The following THSD4 variants were observed in gnomAD, a reference collection of about 807,000 sequenced individuals.
THSD4 encodes the protein thrombospondin type-1 domain-containing protein 4.
Under a neutral mutation model 119.0 loss-of-function variants are expected in THSD4, and 69 were observed. That is an observed-to-expected ratio of 0.58 (90% CI 0.48 to 0.71). The LOEUF (loss-of-function observed/expected upper bound fraction) is 0.71. Among genes scored for constraint, THSD4 ranks in the 30% least tolerant of loss-of-function variants. THSD4 has a pLI of 0.00. For synonymous variants in THSD4, 524 were observed against 540.4 expected (o/e 0.97, Z 0.42); for missense variants, 1,393 against 1,391.1 (o/e 1.00, Z -0.02).
At chr15:71,408,039 G>A (rs935546195) in intron 6 of THSD4, among the ~76,000 whole-genome samples, 1 of 152,108 alleles carries the variant, frequency 6.6e-6, no homozygotes, top group African/African-American at 2.4e-5. Flanking sequence ...AGAAGTTTGT[G>A]CCCACTTCCT....
intron 6 of THSD4, among the ~76,000 whole-genome samples, chr15:71,358,593 C>T (rs143860169): frequency 6.6e-6 from 1 of 152,220 alleles, no homozygotes; most frequent in Admixed American, 6.5e-5. Context: ...GACAAGACTC[C>T]ACTTCACTGT....
At chr15:71,654,964 C>T (rs1335788085) in intron 7 of THSD4, among the ~76,000 whole-genome samples, 1 of 152,232 alleles carries the variant, frequency 6.6e-6, no homozygotes, top group African/African-American at 2.4e-5. Context: ...CTGTGAAATT[C>T]ACCTCCAAAT....
intron 7 of THSD4, among the ~76,000 whole-genome samples, chr15:71,438,587 A>G (rs1056674680): frequency 6.6e-6 from 1 of 152,220 alleles, no homozygotes; most frequent in African/African-American, 2.4e-5. Flanking sequence ...CTACCCAATT[A>G]TGGATAATTA....
chr15:71,763,670 C>T (rs950429826), intron 15 of THSD4, among the ~76,000 whole-genome samples: 1 of 152,040 alleles, frequency 6.6e-6, no homozygotes, highest in African/African-American at 2.4e-5. Context: ...GCCTCAGCCT[C>T]CTGACCCCAG....
chr15:71,493,326 C>G (rs1389933854), intron 7 of THSD4, among the ~76,000 whole-genome samples: 1 of 152,218 alleles, frequency 6.6e-6, no homozygotes, highest in Non-Finnish European at 1.5e-5. Flanking sequence ...AACTCTCACT[C>G]TTATATTTCT....
chr15:71,197,192 C>T (rs1228889093), intron 3 of THSD4, among the ~76,000 whole-genome samples: 1 of 152,194 alleles, frequency 6.6e-6, no homozygotes, highest in South Asian at 2.1e-4. Flanking sequence ...ACAGGGTTAT[C>T]CTGGGAATCA....
chr15:71,442,660 G>GTGTGTGTATGTATGTA, intron 7 of THSD4, among the ~76,000 whole-genome samples: 25 of 25,792 alleles, frequency 9.7e-4, no homozygotes, highest in East Asian at 3.3e-3. Flanking sequence ...GTGTGTGTGT[G>GTGTGTGTATGTATGTA]TATATATATA....
Position 71,573,017 on chromosome 15 carries a change from C to A in THSD4, c.1153-87513C>A, listed in dbSNP as rs144159119. On this transcript the variant is annotated intron_variant, in intron 7 of 17. Transcript: ENST00000261862. ...TTTGATGCCCCACCAAGGAGGACGA[C>A]TTCATCCCAAAGACTTCGTGAGGCT... Among the ~76,000 whole-genome samples, 351 of 152,238 alleles carry A rather than the reference C, an allele frequency of 2.3e-3. 4 individuals are homozygous for A. Among genetic ancestry groups the A allele is most frequent in the South Asian group, 0.015 (72 of 4,810 alleles).
In THSD4 at chr15:71,226,927, GT is replaced by G. The variant is rs369409397; in HGVS notation, c.464+11537del. The stretch of plus-strand genomic sequence containing the variant: ...TCCTACTTCAAGGGAATTTTTGTGT[GT>G]TTTTTTTTACCTTCTGAAGCAGGAA... On this transcript the variant is annotated intron_variant, in intron 4 of 17. Coordinates refer to ENST00000261862, the MANE Select transcript of THSD4 (RefSeq NM_024817.3). Among the ~76,000 whole-genome samples, 13 of 151,488 alleles carry G rather than the reference GT, an allele frequency of 8.6e-5. 1 individual carries two copies. Among genetic ancestry groups the G allele is most frequent in the South Asian group, 4.2e-4 (2 of 4,762 alleles).
intron 8 of THSD4, among the ~76,000 whole-genome samples, chr15:71,662,681 T>C (rs1414081415): frequency 6.6e-6 from 1 of 152,144 alleles, no homozygotes; most frequent in Admixed American, 6.5e-5. Flanking sequence ...TGGGTGAATA[T>C]CTACTGGATG....
At chr15:71,645,687 G>GA (rs1385381260) in intron 7 of THSD4, among the ~76,000 whole-genome samples, 3 of 152,110 alleles carry the variant, frequency 2.0e-5, no homozygotes, top group Admixed American at 6.6e-5. Flanking sequence ...TTGCTTTGGG[G>GA]AAAAAAGCTT....
At chr15:71,295,973 C>G (rs750759524) in intron 6 of THSD4, among the ~76,000 whole-genome samples, 2 of 152,168 alleles carry the variant, frequency 1.3e-5, no homozygotes, top group South Asian at 4.1e-4. Flanking sequence ...TTCATTAATA[C>G]TGTAGCATGT....
chr15:71,288,846 A>C (rs937650287), intron 6 of THSD4, among the ~76,000 whole-genome samples: 8 of 152,204 alleles, frequency 5.3e-5, no homozygotes, highest in Non-Finnish European at 1.0e-4. Context: ...CTTCTCTGAC[A>C]ACAATACCAA....
intron 6 of THSD4, chr15:71,342,249 G>A (rs1391264989): frequency 1.7e-5 from 3 of 177,040 alleles, no homozygotes; most frequent in African/African-American, 4.8e-5. Context: ...TACGCTTTGG[G>A]AACCTGGAAC....
intron 6 of THSD4, among the ~76,000 whole-genome samples, chr15:71,297,315 C>CT (rs772196153): frequency 6.5e-5 from 9 of 137,658 alleles, no homozygotes; most frequent in African/African-American, 1.9e-4. Flanking sequence ...CTCTCCTCTT[C>CT]TTTTTTTTGT....
At chr15:71,472,346 C>T (rs2047592860) in intron 7 of THSD4, among the ~76,000 whole-genome samples, 1 of 152,130 alleles carries the variant, frequency 6.6e-6, no homozygotes, top group African/African-American at 2.4e-5. Context: ...ATGTATTAGG[C>T]CTTCAATACA....
At chr15:71,222,500 C>T (rs1295562968) in intron 4 of THSD4, among the ~76,000 whole-genome samples, 2 of 152,192 alleles carry the variant, frequency 1.3e-5, no homozygotes, top group African/African-American at 4.8e-5. Context: ...GCCAGGTTGA[C>T]AACTTTCTTC....
chr15:71,687,923 A>G (rs1049776812), intron 8 of THSD4, among the ~76,000 whole-genome samples: 7 of 152,174 alleles, frequency 4.6e-5, no homozygotes, highest in African/African-American at 7.2e-5. Context: ...TCATTCACTT[A>G]TTGAGAGTCT....
intron 7 of THSD4, among the ~76,000 whole-genome samples, chr15:71,435,818 G>T (rs140090336): frequency 6.6e-6 from 1 of 152,190 alleles, no homozygotes; most frequent in African/African-American, 2.4e-5. Flanking sequence ...TCAGGGATTA[G>T]ACTTTCCCAG....
Sources: allele counts gnomAD v4.1 joint callset (sites outside exome capture counted in the v4.1 genomes callset), GRCh38; gene constraint gnomAD v4.1.1; transcripts MANE v1.5; gene names NCBI Gene and HGNC (gene_info 2026-07-23, HGNC 2026-07-21).